Variants in SCHIP1 observed in about 807,000 individuals in gnomAD.
SCHIP1 encodes schwannomin-interacting protein 1.
SCHIP1 carries 8 observed loss-of-function variants against 29.7 expected under a neutral mutation model. That is an observed-to-expected ratio of 0.27 (90% confidence interval 0.16 to 0.49). The LOEUF (loss-of-function observed/expected upper bound fraction) is 0.49. Ranked by LOEUF, SCHIP1 falls within the 20% of genes least tolerant of loss-of-function variation. The pLI is 0.99. For synonymous variants in SCHIP1, 76 were observed against 94.9 expected (o/e 0.80, Z 1.16); for missense variants, 193 against 294.6 (o/e 0.66, Z 2.52).
the SCHIP1 span, among the ~76,000 whole-genome samples, chr3:159,383,639 G>A: frequency 5.1e-5 from 6 of 116,524 alleles, no homozygotes; most frequent in South Asian, 8.1e-4. Flanking sequence ...TTCCAATTCT[G>A]TGAAGAAAGT....
chr3:159,633,070 C>T, the SCHIP1 span, among the ~76,000 whole-genome samples: 1 of 152,158 alleles, frequency 6.6e-6, no homozygotes, highest in African/African-American at 2.4e-5. Flanking sequence ...AAAACTCAGA[C>T]CACACCCTGA....
At chr3:159,791,279 A>G in the SCHIP1 span, among the ~76,000 whole-genome samples, 1 of 152,232 alleles carries the variant, frequency 6.6e-6, no homozygotes, top group Non-Finnish European at 1.5e-5. Context: ...AGCAGATTTA[A>G]TGCAAGGAAT....
At chr3:159,487,287 G>A in the SCHIP1 span, among the ~76,000 whole-genome samples, 2,915 of 152,164 alleles carry the variant, frequency 0.019, 76 homozygotes, top group African/African-American at 0.061. Flanking sequence ...GCTTCAGTTC[G>A]TCTTCATTTT....
chr3:159,689,949 C>T, the SCHIP1 span, among the ~76,000 whole-genome samples: 1 of 152,122 alleles, frequency 6.6e-6, no homozygotes, highest in South Asian at 2.1e-4. Flanking sequence ...GGATGAAGCC[C>T]ACTTGATCAT....
chr3:159,466,341 T>A, the SCHIP1 span, among the ~76,000 whole-genome samples: 1 of 151,684 alleles, frequency 6.6e-6, no homozygotes, highest in Non-Finnish European at 1.5e-5. Context: ...AAAAAGAACA[T>A]GAGATTTGGA....
the SCHIP1 span, among the ~76,000 whole-genome samples, chr3:159,761,203 A>C: frequency 6.6e-6 from 1 of 152,246 alleles, no homozygotes. Flanking sequence ...CTCTGGCTGC[A>C]TGAAGAGAAT....
intron 1 of SCHIP1, among the ~76,000 whole-genome samples, chr3:159,862,112 A>T (rs955269889): frequency 1.3e-5 from 2 of 152,204 alleles, no homozygotes; most frequent in African/African-American, 4.8e-5. Flanking sequence ...TGTGGTTATG[A>T]TTTAGCCCAT....
chr3:159,554,687 C>T, the SCHIP1 span, among the ~76,000 whole-genome samples: 1 of 152,146 alleles, frequency 6.6e-6, no homozygotes, highest in Non-Finnish European at 1.5e-5. Context: ...GTGGTCCCTG[C>T]TCCAGGCTTT....
the SCHIP1 span, among the ~76,000 whole-genome samples, chr3:159,738,702 T>G: frequency 1.8e-4 from 28 of 152,254 alleles, no homozygotes; most frequent in Middle Eastern, 3.4e-3. Flanking sequence ...GAACTTACAT[T>G]CCAGAGAGGA....
the SCHIP1 span, among the ~76,000 whole-genome samples, chr3:159,389,070 G>A: frequency 6.6e-6 from 1 of 151,960 alleles, no homozygotes; most frequent in Non-Finnish European, 1.5e-5. Context: ...GTGTGTGGGT[G>A]TGGGTGGGCG....
At chr3:159,896,697 A>G in intron 6 of SCHIP1, 26 bp from the exon 8 acceptor site, 1 of 1,585,964 alleles carries the variant, frequency 6.3e-7, no homozygotes, top group South Asian at 1.2e-5. Context: ...ACATGATGCT[A>G]AATAATTGTA....
the SCHIP1 span, among the ~76,000 whole-genome samples, chr3:159,287,389 A>G: frequency 6.6e-6 from 1 of 151,982 alleles, no homozygotes; most frequent in Non-Finnish European, 1.5e-5. Flanking sequence ...GCACTTGTGC[A>G]TGAATTTTAG....
chr3:159,735,041 G>A, the SCHIP1 span, among the ~76,000 whole-genome samples: 4 of 151,912 alleles, frequency 2.6e-5, no homozygotes, highest in African/African-American at 7.3e-5. Flanking sequence ...GTTCAGAGAC[G>A]TGAAGAATTG....
chr3:159,856,489 T>C (rs957669841), intron 1 of SCHIP1, among the ~76,000 whole-genome samples: 1 of 152,026 alleles, frequency 6.6e-6, no homozygotes, highest in Non-Finnish European at 1.5e-5. Flanking sequence ...TAAATGACAC[T>C]AATGGAGAGA....
chr3:159,858,269 A>G (rs928742824), intron 1 of SCHIP1, among the ~76,000 whole-genome samples: 2 of 152,210 alleles, frequency 1.3e-5, no homozygotes, highest in African/African-American at 2.4e-5. Flanking sequence ...TGTTTTGGAT[A>G]TGGTGCTCAC....
intron 1 of SCHIP1, among the ~76,000 whole-genome samples, chr3:159,850,542 C>CAAAAAAAA (rs61224003): frequency 2.9e-5 from 3 of 104,944 alleles, no homozygotes; most frequent in Admixed American, 1.0e-4. Context: ...GATTCCATCT[C>CAAAAAAAA]AAAAAAAAAA....
chr3:159,712,055 C>A, the SCHIP1 span, among the ~76,000 whole-genome samples: 1 of 152,170 alleles, frequency 6.6e-6, no homozygotes, highest in Non-Finnish European at 1.5e-5. Flanking sequence ...ACACCACACA[C>A]CTTTTGACCC....
the SCHIP1 span, among the ~76,000 whole-genome samples, chr3:159,316,235 G>A: frequency 4.6e-5 from 7 of 151,890 alleles, no homozygotes; most frequent in South Asian, 2.1e-4. Flanking sequence ...TAACTTACAC[G>A]GTCACAAGGT....
At chr3:159,893,228 C>T (rs1717718416) in intron 6 of SCHIP1, 2 of 152,192 alleles carry the variant, frequency 1.3e-5, no homozygotes, top group African/African-American at 4.8e-5. Flanking sequence ...TTTTTTAAGA[C>T]TTACGGGCAG....
Sources: gnomAD v4.1 joint callset for allele counts (sites outside exome capture counted in the v4.1 genomes callset) on GRCh38, gnomAD v4.1.1 for gene constraint, MANE v1.5 for transcripts, NCBI Gene and HGNC (gene_info 2026-07-23, HGNC 2026-07-21) for gene names.